The following CACNA1C variants were observed in gnomAD, a reference collection of about 807,000 sequenced individuals.
The protein encoded by CACNA1C is voltage-dependent L-type calcium channel subunit alpha-1C.
CACNA1C carries 30 observed loss-of-function variants against 229.0 expected under a neutral mutation model. That is an observed-to-expected ratio of 0.13 (90% confidence interval 0.10 to 0.18). CACNA1C has a LOEUF of 0.18. Among genes scored for constraint, CACNA1C ranks in the 10% least tolerant of loss-of-function variants. The pLI is 1.00. For missense variants in CACNA1C, 1,658 were observed against 2,845.0 expected (o/e 0.58, Z 9.49); for synonymous variants, 1,114 against 1,132.5 (o/e 0.98, Z 0.33).
intron 1 of CACNA1C, among the ~76,000 whole-genome samples, chr12:2,097,257 T>C (rs1446499668): frequency 2.6e-5 from 4 of 152,158 alleles, no homozygotes; most frequent in African/African-American, 9.7e-5. Context: ...ACCATTCTCC[T>C]GCCTCAGCCT....
At chr12:2,254,998 G>A (rs952471018) in intron 3 of CACNA1C, among the ~76,000 whole-genome samples, 8 of 152,172 alleles carry the variant, frequency 5.3e-5, no homozygotes, top group Admixed American at 4.6e-4. Flanking sequence ...GTAAAATTGA[G>A]GAGCAACAGC....
Position 2,608,611 on chromosome 12 carries a change from A to G in CACNA1C, c.3457A>G (p.Ile1153Val), listed in dbSNP as rs370798052. The change falls in exon 27 of 47, where the codon ATC becomes GTC. Residue 1153 changes from isoleucine (I) to valine (V), a missense_variant. Ile to Val is a conservative substitution (Grantham distance 29, BLOSUM62 3). This residue lies in a region of CACNA1C where 77 missense variants were observed against 130.9 expected (regional missense o/e 0.59). Transcript: ENST00000399655. The surrounding 1 kb of genome is among the most constrained non-coding windows in gnomAD (Gnocchi z 4.2). Reference sequence around the variant, plus strand: ...CTTCTTCATCATCTACATCATCATCATCGCCTTCTTCATGATGAACATCTT... The same window carrying G: ...CTTCTTCATCATCTACATCATCATCGTCGCCTTCTTCATGATGAACATCTT... Reference protein sequence around the residue: ...SIFFIIYIIIIAFFMMNIFVG... With the variant: ...SIFFIIYIIIVAFFMMNIFVG... 1.9e-6 allele frequency: 3 copies of G among 1,613,210 alleles called. No individual in the cohort carries two copies. The highest frequency in any genetic ancestry group is 1.1e-5 in the South Asian group (1 of 91,044).
chr12:2,250,049 C>T (rs2075028393), intron 3 of CACNA1C, among the ~76,000 whole-genome samples: 1 of 152,228 alleles, frequency 6.6e-6, no homozygotes, highest in Admixed American at 6.5e-5. Flanking sequence ...ACCTCGTGAT[C>T]CACCTGCCTC....
chr12:2,298,679 C>T (rs1168045814), intron 3 of CACNA1C, among the ~76,000 whole-genome samples: 1 of 152,214 alleles, frequency 6.6e-6, no homozygotes, highest in African/African-American at 2.4e-5. Flanking sequence ...ACAAGTGGAG[C>T]CCGGAAGGCT....
chr12:2,564,233 A>G (rs2049070226), intron 11 of CACNA1C, among the ~76,000 whole-genome samples: 1 of 152,160 alleles, frequency 6.6e-6, no homozygotes, highest in Non-Finnish European at 1.5e-5. Flanking sequence ...TATGATACGC[A>G]CTGTGATATT....
chr12:2,264,444 A>G (rs184585966), intron 3 of CACNA1C, among the ~76,000 whole-genome samples: 1 of 152,342 alleles, frequency 6.6e-6, no homozygotes, highest in East Asian at 1.9e-4. Context: ...CCCTCCTCTT[A>G]CAGATGGGGG....
intron 9 of CACNA1C, among the ~76,000 whole-genome samples, chr12:2,514,715 A>G (rs1342576500): frequency 6.6e-6 from 1 of 152,026 alleles, no homozygotes; most frequent in African/African-American, 2.4e-5. Context: ...TGTTATTGAA[A>G]ACCTGCAGTA....
rs1222782923 is a variant in CACNA1C, at chr12:2,651,569, C to T, written c.3946-71C>T. ...CACTGCCACTGAGGTCTGTATTTCT[C>T]GGAGGGGCCCTCCTGTTCTCACCCC... On this transcript the variant is annotated intron_variant, in intron 31 of 46. Transcript: ENST00000399655. This position sits in a 1 kb window ranked among gnomAD's most constrained non-coding sequence, Gnocchi z 5.4. 1.3e-5 allele frequency: 21 copies of T among 1,612,164 alleles called. No homozygotes were observed. Among genetic ancestry groups the T allele is most frequent in the Admixed American group, 8.3e-5 (5 of 59,958 alleles).
intron 3 of CACNA1C, among the ~76,000 whole-genome samples, chr12:2,199,657 T>A (rs1242034672): frequency 2.0e-5 from 3 of 152,096 alleles, no homozygotes; most frequent in Admixed American, 6.6e-5. Flanking sequence ...CCACATTGTT[T>A]AGGGGCAAAC....
At chr12:1,989,483 G>T (rs1307071249) in intron 1 of CACNA1C, among the ~76,000 whole-genome samples, 2 of 152,256 alleles carry the variant, frequency 1.3e-5, no homozygotes, top group Non-Finnish European at 2.9e-5. Flanking sequence ...GGGAGGCCAA[G>T]GTGGGTGATC....
chr12:2,515,490 T>A (rs1484829774), intron 9 of CACNA1C, among the ~76,000 whole-genome samples: 3 of 152,236 alleles, frequency 2.0e-5, no homozygotes, highest in Non-Finnish European at 4.4e-5. Flanking sequence ...CGTAATATCT[T>A]AGCCTTTGAA....
In CACNA1C at chr12:2,597,173, G is replaced by A. The variant is rs371863898; in HGVS notation, c.2794-57G>A. ...TGAACATCCACTGACCTCTCTTCCC[G>A]TCCTGCTTTTCTCCCTTCCCCATCC... On this transcript the variant is annotated intron_variant, in intron 20 of 46. Transcript: ENST00000399655. This position sits in a 1 kb window ranked among gnomAD's most constrained non-coding sequence, Gnocchi z 4.3. 2.6e-5 allele frequency: 29 copies of A among 1,135,288 alleles called. 1 individual carries two copies. Among genetic ancestry groups the A allele is most frequent in the South Asian group, 2.2e-4 (17 of 77,016 alleles). 70.3% of individuals were successfully genotyped at this position (1,135,288 alleles called of 1,614,324 possible).
At chr12:2,207,755 A>G (rs1350338826) in intron 3 of CACNA1C, among the ~76,000 whole-genome samples, 2 of 152,188 alleles carry the variant, frequency 1.3e-5, no homozygotes, top group Non-Finnish European at 2.9e-5. Flanking sequence ...TTGAGGCTGC[A>G]GTGAGCTGAG....
rs2053132372 is a variant in CACNA1C at position 2,053,701 on chromosome 12, G to A, written c.49+90G>A. The A allele has an allele frequency of 1.5e-5, 21 of 1,357,552 alleles. No individual in the cohort carries two copies. Among genetic ancestry groups the A allele is most frequent in the Non-Finnish European group, 1.8e-5 (19 of 1,046,070 alleles). The allele number at this position is 1,357,552 out of a possible 1,614,324, so 84.1% of individuals were successfully genotyped here. A position where few individuals can be genotyped will look rare whatever the true frequency, so the allele number is the denominator to read the frequency against. On this transcript the variant is annotated intron_variant, in intron 1 of 46. Coordinates refer to ENST00000399655, the MANE Select transcript of CACNA1C (RefSeq NM_000719.7). This position sits in a 1 kb window ranked among gnomAD's most constrained non-coding sequence, Gnocchi z 5.8. Reference sequence around the variant, plus strand: ...CGCGCTCCCCGCGGCCCCGGGGCCGGTCCCTGCGGAGTGGCCCGGGGCCGC... The same window carrying A: ...CGCGCTCCCCGCGGCCCCGGGGCCGATCCCTGCGGAGTGGCCCGGGGCCGC...
At chr12:2,667,684 C>T (rs573469150) in intron 37 of CACNA1C, among the ~76,000 whole-genome samples, 16 of 152,246 alleles carry the variant, frequency 1.1e-4, no homozygotes, top group South Asian at 2.1e-4. Flanking sequence ...AAAGTGCGTC[C>T]GTTGTGGCCT....
In CACNA1C at chr12:2,210,178, A is replaced by G. The variant is rs1160279082; in HGVS notation, c.477+89748A>G. Among the ~76,000 whole-genome samples, 4 of 152,364 alleles carry G rather than the reference A, an allele frequency of 2.6e-5. No individual in the cohort carries two copies. The East Asian group carries it at 5.8e-4, about 22-fold the overall frequency. On this transcript the variant is annotated intron_variant, in intron 3 of 46. Transcript: ENST00000399655. ...AATCTGATCTTCAGCCTGATGTGAT[A>G]TGTTTTTATCTGAATGCTTTTGCAA...
At chr12:2,482,824 C>G (rs377581817) in intron 5 of CACNA1C, among the ~76,000 whole-genome samples, 3 of 152,178 alleles carry the variant, frequency 2.0e-5, no homozygotes, top group Non-Finnish European at 4.4e-5. Context: ...GTCGTAGTTC[C>G]ATCCTGTGGT....
chr12:2,286,027 T>A (rs940828736), intron 3 of CACNA1C, among the ~76,000 whole-genome samples: 3 of 152,220 alleles, frequency 2.0e-5, no homozygotes, highest in African/African-American at 7.2e-5. Flanking sequence ...CCTAGTCCTG[T>A]CGCCTGTTTT....
rs1009610971 is a variant in CACNA1C at position 2,053,428 on chromosome 12, G to A, written c.-135G>A. On this transcript the variant is annotated 5_prime_UTR_variant, in exon 1 of 47. Transcript: ENST00000399655. The surrounding 1 kb of genome is among the most constrained non-coding windows in gnomAD (Gnocchi z 5.8). ...TCGTCGGCGGGGAAGAAGAAACGCT[G>A]CAGACCACGGCTTCCTCGAATCTTG... The A allele has an allele frequency of 7.7e-6, 11 of 1,437,272 alleles. No homozygotes were observed. The African/African-American group carries it at 1.4e-4, about 19-fold the overall frequency. 89.0% of individuals were successfully genotyped at this position (1,437,272 alleles called of 1,614,324 possible). A position where few individuals can be genotyped will look rare whatever the true frequency, so the allele number is the denominator to read the frequency against.
Sources: gnomAD v4.1 joint callset for allele counts (sites outside exome capture counted in the v4.1 genomes callset) on GRCh38, gnomAD v4.1.1 for gene constraint, gnomAD v4.1.1 regional missense constraint, Gnocchi (gnomAD v3.1) non-coding constraint, MANE v1.5 for transcripts, NCBI Gene and HGNC (gene_info 2026-07-23, HGNC 2026-07-21) for gene names.